Variants in EHMT1 observed in about 807,000 individuals in gnomAD.
EHMT1 encodes euchromatic histone lysine methyltransferase 1, also known as histone-lysine N-methyltransferase EHMT1.
Under a neutral mutation model 147.2 loss-of-function variants are expected in EHMT1, and 15 were observed. The ratio of observed to expected loss-of-function variants is 0.10; its 90% CI spans 0.07 to 0.16. The LOEUF (loss-of-function observed/expected upper bound fraction) is 0.16. Ranked by LOEUF, EHMT1 falls within the 10% of genes least tolerant of loss-of-function variation. The pLI, the probability that EHMT1 is intolerant of heterozygous loss-of-function variation, is 1.00. For synonymous variants in EHMT1, 795 were observed against 709.6 expected (o/e 1.12, Z -1.91); for missense variants, 1,587 against 1,772.4 (o/e 0.90, Z 1.88).
chr9:137,666,910 T>C (rs1336314089), intron 1 of EHMT1: 2 of 152,184 alleles, frequency 1.3e-5, no homozygotes. Context: ...AATTAATTAA[T>C]TGTAAATAAC....
chr9:137,668,516 G>C (rs181435187), intron 1 of EHMT1, among the ~76,000 whole-genome samples: 9 of 152,206 alleles, frequency 5.9e-5, no homozygotes, highest in Admixed American at 4.6e-4. Context: ...AGAACTACTA[G>C]TACTGAAACT....
chr9:137,678,708 G>T (rs1318064520), intron 1 of EHMT1, among the ~76,000 whole-genome samples: 1 of 135,232 alleles, frequency 7.4e-6, no homozygotes, highest in Non-Finnish European at 1.6e-5. Context: ...TTATATGAAT[G>T]TCCCCCCCCC....
intron 16 of EHMT1, among the ~76,000 whole-genome samples, chr9:137,794,481 C>A (rs1952752720): frequency 6.6e-6 from 1 of 151,744 alleles, no homozygotes; most frequent in African/African-American, 2.4e-5. Context: ...GACCCCATCT[C>A]TATAAGAAAT....
intron 1 of EHMT1, among the ~76,000 whole-genome samples, chr9:137,670,497 G>A (rs1230641147): frequency 1.3e-5 from 2 of 152,056 alleles, no homozygotes; most frequent in South Asian, 2.1e-4. Flanking sequence ...CTGTGCCCAC[G>A]TGCGAGCTCC....
intron 6 of EHMT1, 84 bp downstream of exon 6, chr9:137,744,174 C>T (rs1239010596): frequency 5.6e-6 from 8 of 1,418,384 alleles, no homozygotes; most frequent in East Asian, 2.3e-5. Flanking sequence ...AGTCTGGTCA[C>T]TTCTAGACCC....
intron 1 of EHMT1, chr9:137,697,251 A>G (rs577359806): frequency 2.2e-5 from 5 of 227,478 alleles, no homozygotes; most frequent in South Asian, 1.9e-4. Context: ...ACTGCACGCC[A>G]GCCTGGATGA....
intron 18 of EHMT1, among the ~76,000 whole-genome samples, chr9:137,806,891 CCA>C (rs980236740): frequency 3.3e-5 from 5 of 152,250 alleles, no homozygotes; most frequent in Admixed American, 3.3e-4. Flanking sequence ...TCCAGTGCCA[CCA>C]CACAGTTATT....
rs184802041 is a variant in EHMT1, at chr9:137,739,310, C to G, written c.824-4061C>G. On this transcript the variant is annotated intron_variant, in intron 4 of 26. Transcript: ENST00000460843. Reference sequence around the variant, plus strand: ...GGCGGAGCTTGCAGTGAGCGGAGATCGCACCAATGCACTCCAGCCTGGGCA... The same window carrying G: ...GGCGGAGCTTGCAGTGAGCGGAGATGGCACCAATGCACTCCAGCCTGGGCA... Among the ~76,000 whole-genome samples the G allele has an allele frequency of 4.7e-5, 7 of 150,208 alleles. No homozygotes were observed. In the East Asian group the frequency reaches 1.4e-3, roughly 29 times the overall value.
At chr9:137,805,044 C>T (rs1397958406) in intron 18 of EHMT1, among the ~76,000 whole-genome samples, 4 of 151,386 alleles carry the variant, frequency 2.6e-5, no homozygotes, top group Admixed American at 6.6e-5. Flanking sequence ...GTCTGTCAGT[C>T]GTCCACATGT....
intron 1 of EHMT1, among the ~76,000 whole-genome samples, chr9:137,660,019 C>G (rs984478574): frequency 3.3e-5 from 5 of 151,776 alleles, no homozygotes; most frequent in African/African-American, 7.3e-5. Context: ...TAATGTAAAT[C>G]ATGTGAAGCA....
At chr9:137,702,954 A>G (rs1185347060) in intron 1 of EHMT1, among the ~76,000 whole-genome samples, 1 of 152,206 alleles carries the variant, frequency 6.6e-6, no homozygotes. Context: ...ATATCCATAC[A>G]TCCTGTGAAA....
rs568513604 is a variant in EHMT1, at chr9:137,834,968, G to C, written c.*15G>C. The C allele has an allele frequency of 7.1e-6, 10 of 1,401,080 alleles. No individual in the cohort carries two copies. The South Asian group carries it at 1.6e-4, about 22-fold the overall frequency. 86.8% of individuals were successfully genotyped at this position (1,401,080 alleles called of 1,614,324 possible). A position where few individuals can be genotyped will look rare whatever the true frequency, so the allele number is the denominator to read the frequency against. On this transcript the variant is annotated 3_prime_UTR_variant, in exon 27 of 27. Transcript: ENST00000460843. ...ACCCCCTATGAGACGCCGCCGGCCA[G>C]CGGGGCGCTCGGGAGCCAGGGACCG...
At chr9:137,682,986 T>G (rs755869840) in intron 1 of EHMT1, among the ~76,000 whole-genome samples, 1 of 152,256 alleles carries the variant, frequency 6.6e-6, no homozygotes, top group African/African-American at 2.4e-5. Flanking sequence ...CTGTGTGCCC[T>G]GGCCTTAACT....
chr9:137,779,904 T>C (rs1050267388), intron 14 of EHMT1, among the ~76,000 whole-genome samples, 187 bp downstream of exon 14: 5 of 152,248 alleles, frequency 3.3e-5, no homozygotes, highest in African/African-American at 1.2e-4. Context: ...GGTGTTCATA[T>C]CCAGTTACGC....
intron 6 of EHMT1, among the ~76,000 whole-genome samples, chr9:137,749,972 G>A (rs760631569): frequency 1.1e-4 from 16 of 152,322 alleles, no homozygotes; most frequent in South Asian, 2.1e-4. Flanking sequence ...CCTCTGACAC[G>A]AATGCGGCAG....
At chr9:137,716,020 G>A (rs1006037550) in intron 2 of EHMT1, among the ~76,000 whole-genome samples, 2 of 149,636 alleles carry the variant, frequency 1.3e-5, no homozygotes, top group Non-Finnish European at 3.0e-5. Flanking sequence ...TGTGTTGGTG[G>A]TGGTGTCATA....
intron 4 of EHMT1, among the ~76,000 whole-genome samples, chr9:137,742,289 T>TTTTGTGTG (rs1554858062): frequency 7.4e-6 from 1 of 135,070 alleles, no homozygotes; most frequent in Admixed American, 7.6e-5. Context: ...AGAACCAAAT[T>TTTTGTGTG]TGTGTGTGTG....
Position 137,775,378 on chromosome 9 carries a change from G to C in EHMT1, c.1791+126G>C. On this transcript the variant is annotated intron_variant, in intron 11 of 26. Coordinates refer to ENST00000460843, the MANE Select transcript of EHMT1 (RefSeq NM_024757.5). This position sits in a 1 kb window ranked among gnomAD's most constrained non-coding sequence, Gnocchi z 6.1. ...AGCAGCTGGCCCAGGTCTGGTGTCC[G>C]TCTGGAGGTCTCCAGTGTTCACAAG... 2 of 1,379,278 alleles carry C rather than the reference G, an allele frequency of 1.5e-6. No homozygotes were observed. Among genetic ancestry groups the C allele is most frequent in the Non-Finnish European group, 2.0e-6 (2 of 1,011,254 alleles). The allele number at this position is 1,379,278 out of a possible 1,614,324, so 85.4% of individuals were successfully genotyped here.
chr9:137,622,602 T>C (rs1422935616), intron 1 of EHMT1, among the ~76,000 whole-genome samples: 1 of 152,160 alleles, frequency 6.6e-6, no homozygotes, highest in Non-Finnish European at 1.5e-5. Context: ...TTTGTTCTCT[T>C]ATGTTCATCC....
Sources: allele counts gnomAD v4.1 joint callset (sites outside exome capture counted in the v4.1 genomes callset), GRCh38; gene constraint gnomAD v4.1.1; non-coding constraint Gnocchi (gnomAD v3.1); transcripts MANE v1.5; gene names NCBI Gene and HGNC (gene_info 2026-07-23, HGNC 2026-07-21).